The following XYLT2 variants were observed in gnomAD, a reference collection of about 807,000 sequenced individuals.
XYLT2 encodes the protein UDP-D-xylose:proteoglycan core protein beta-D-xylosyltransferase.
In XYLT2, 37 loss-of-function variants were observed where a neutral mutation model predicts 82.6. The ratio of observed to expected loss-of-function variants is 0.45; its 90% CI spans 0.34 to 0.59. XYLT2 has a LOEUF of 0.59. XYLT2 is among the 20% of genes least tolerant of loss of function. The pLI is 0.01. For synonymous variants in XYLT2, 474 were observed against 499.0 expected, an observed-to-expected ratio of 0.95 and a Z score of 0.67; for missense variants, 934 against 1,181.3, an observed-to-expected ratio of 0.79 and a Z score of 3.07.
intron 4 of XYLT2, among the ~76,000 whole-genome samples, 160 bp from the exon 5 acceptor site, chr17:50,355,341 C>T (rs554624307): frequency 6.6e-6 from 1 of 152,220 alleles, no homozygotes; most frequent in African/African-American, 2.4e-5. Context: ...GGGTGGTCTT[C>T]CTCAGGGGCC....
chr17:50,346,586 G>A lies in XYLT2; in HGVS notation c.135+311G>A. The A allele has an allele frequency of 1.0e-6, 1 of 983,098 alleles. No homozygotes were observed. Among genetic ancestry groups the A allele is most frequent in the Non-Finnish European group, 1.2e-6 (1 of 827,818 alleles). 60.9% of individuals were successfully genotyped at this position (983,098 alleles called of 1,614,324 possible). A position where few individuals can be genotyped will look rare whatever the true frequency, so the allele number is the denominator to read the frequency against. On this transcript the variant is annotated intron_variant, in intron 1 of 10. Transcript: ENST00000017003. This position sits in a 1 kb window ranked among gnomAD's most constrained non-coding sequence, Gnocchi z 5.1. ...GCGATGAAGGTCAGGCGCGGCGAGC[G>A]GGGCTGGGAGGCGGGGCTGGGCCCG...
rs1912500335 is a variant in XYLT2, at chr17:50,355,842, C to T, written c.1150C>T (p.Leu384=). ...FHECDSHMWR[L]GERQIPAGIV... ...TGAGTGCGACTCACACATGTGGCGC[C>T]TGGGCGAGCGGCAGATCCCAGCAGG... is the stretch of plus-strand genomic sequence containing the variant. Residue 384 remains leucine, a synonymous_variant, in exon 6 of 11, where the codon CTG becomes TTG. Coordinates refer to ENST00000017003, the MANE Select transcript of XYLT2 (RefSeq NM_022167.4). 1 of 1,614,132 alleles carries T rather than the reference C, an allele frequency of 6.2e-7. No individual in the cohort carries two copies. Among genetic ancestry groups the T allele is most frequent in the South Asian group, 1.1e-5 (1 of 91,094 alleles).
chr17:50,354,420 C>T lies in XYLT2; in HGVS notation c.641C>T (p.Pro214Leu). Residue 214 changes from proline to leucine, a missense_variant, in exon 3 of 11, where the codon CCC becomes CTC. Pro to Leu is a moderately conservative substitution (Grantham distance 98). Coordinates refer to ENST00000017003, the MANE Select transcript of XYLT2 (RefSeq NM_022167.4). ...CCTCTGCTCTCAGGGAAGATGAGCC[C>T]CGGCATCCAGTGGGATGAGAGCCAA... ...RHCQLTGKMS[P>L]GIQWDESQAQ... 1 of 1,608,010 alleles carries T rather than the reference C, an allele frequency of 6.2e-7. No individual in the cohort carries two copies. Among genetic ancestry groups the T allele is most frequent in the South Asian group, 1.1e-5 (1 of 90,838 alleles).
chr17:50,350,785 A>T (rs1361968397), intron 1 of XYLT2, among the ~76,000 whole-genome samples: 1 of 149,078 alleles, frequency 6.7e-6, no homozygotes, highest in African/African-American at 2.6e-5. Context: ...TGGCACTGTA[A>T]ATCCAGTGGT....
In XYLT2 at chr17:50,361,070, A is replaced by G. The variant is rs1229969237; in HGVS notation, c.*779A>G. 1 of 985,816 alleles carries G rather than the reference A, an allele frequency of 1.0e-6. No individual in the cohort carries two copies. The highest frequency in any genetic ancestry group is 1.7e-5 in the African/African-American group (1 of 57,236). The allele number at this position is 985,816 out of a possible 1,614,324, so 61.1% of individuals were successfully genotyped here. A position where few individuals can be genotyped will look rare whatever the true frequency, so the allele number is the denominator to read the frequency against. On this transcript the variant is annotated 3_prime_UTR_variant, in exon 11 of 11. Coordinates refer to ENST00000017003, the MANE Select transcript of XYLT2 (RefSeq NM_022167.4). The stretch of plus-strand genomic sequence containing the variant: ...GGAAGAAGACTCTGTCAAGACTCTC[A>G]GAAGAACCTGGAGTAATTGTGCCTG...
rs1322765316 is a variant in XYLT2, at chr17:50,346,332, G to A, written c.135+57G>A. 4 of 1,005,754 alleles carry A rather than the reference G, an allele frequency of 4.0e-6. No individual in the cohort carries two copies. Among genetic ancestry groups the A allele is most frequent in the Non-Finnish European group, 4.7e-6 (4 of 844,698 alleles). 62.3% of individuals were successfully genotyped at this position (1,005,754 alleles called of 1,614,324 possible). A position where few individuals can be genotyped will look rare whatever the true frequency, so the allele number is the denominator to read the frequency against. ...GGGCGCGGGGGCGCGCGGGGTCCTG[G>A]CGGGGCTGCGGGCGGCCCCAGCCGG... On this transcript the variant is annotated intron_variant, in intron 1 of 10. Transcript: ENST00000017003. This position sits in a 1 kb window ranked among gnomAD's most constrained non-coding sequence, Gnocchi z 5.1.
intron 1 of XYLT2, among the ~76,000 whole-genome samples, chr17:50,352,227 A>G (rs963550393): frequency 1.3e-5 from 2 of 152,168 alleles, no homozygotes; most frequent in African/African-American, 4.8e-5. Flanking sequence ...TACTCCTTAC[A>G]GCTGGGGGAG....
rs1567805520 is a variant in XYLT2 at position 50,353,785 on chromosome 17, G to A, written c.291G>A (p.Arg97=). ...SPGVPVAKVV[R]AVTSRQRASR... is the part of the protein sequence containing the mutation. ...GAGTGCCCGTGGCCAAGGTGGTACG[G>A]GCAGTAACCAGCCGGCAGAGAGCCA... The change falls in exon 2 of 11, where the codon CGG becomes CGA. Residue 97 remains arginine, a synonymous_variant. Transcript: ENST00000017003. The A allele has an allele frequency of 6.4e-7, 1 of 1,563,394 alleles. No individual in the cohort carries two copies. The highest frequency in any genetic ancestry group is 8.7e-7 in the Non-Finnish European group (1 of 1,154,400).
intron 2 of XYLT2, 87 bp downstream of exon 2, chr17:50,354,209 G>C: frequency 6.3e-7 from 1 of 1,576,806 alleles, no homozygotes; most frequent in Non-Finnish European, 8.5e-7. Context: ...CTCTGAGGAA[G>C]AAAGAGCCAA....
chr17:50,356,793 T>C lies in XYLT2; in HGVS notation c.1745+20T>C. 1 of 1,592,918 alleles carries C rather than the reference T, an allele frequency of 6.3e-7. No homozygotes were observed. The highest frequency in any genetic ancestry group is 8.5e-7 in the Non-Finnish European group (1 of 1,174,470). ...CTGCAGGTGAGACCCCCTTCTGACA[T>C]ACAGCAGGCCCTTGGGGTGTGGTGC... On this transcript the variant is annotated intron_variant, in intron 8 of 10. Coordinates refer to ENST00000017003, the MANE Select transcript of XYLT2 (RefSeq NM_022167.4).
Position 50,353,974 on chromosome 17 carries a change from C to T in XYLT2, c.480C>T (p.Pro160=), listed in dbSNP as rs1163531895. 2.4e-5 allele frequency: 39 copies of T among 1,606,454 alleles called. No homozygotes were observed. Among genetic ancestry groups the T allele is most frequent in the Non-Finnish European group, 3.1e-5 (37 of 1,179,910 alleles). The change falls in exon 2 of 11, where the codon CCC becomes CCT. Residue 160 remains proline (P), a synonymous_variant. Transcript: ENST00000017003. ...APQPTDNGFT[P]KCEIVGKDAL... The stretch of plus-strand genomic sequence containing the variant: ...AGCCCACGGACAATGGCTTCACCCC[C>T]AAGTGCGAGATCGTGGGCAAGGACG...
chr17:50,354,299 G>A, intron 2 of XYLT2, 109 bp from the exon 3 acceptor site: 1 of 1,494,704 alleles, frequency 6.7e-7, no homozygotes, highest in Non-Finnish European at 8.9e-7. Context: ...CCACGAGCAT[G>A]GAGCTCCAAG....
chr17:50,357,580 G>C (rs909168525), intron 9 of XYLT2: 1 of 275,598 alleles, frequency 3.6e-6, no homozygotes, highest in African/African-American at 2.2e-5. Flanking sequence ...CTTCTGAGTG[G>C]CTCCTCATAG....
chr17:50,353,128 T>G (rs958332608), intron 1 of XYLT2, among the ~76,000 whole-genome samples: 1 of 152,148 alleles, frequency 6.6e-6, no homozygotes, highest in Non-Finnish European at 1.5e-5. Context: ...TGGGCACTCC[T>G]CCTTCGCTGT....
In XYLT2 at chr17:50,353,783, C is replaced by T. The variant is rs199498175; in HGVS notation, c.289C>T (p.Arg97Trp). 83 of 1,562,246 alleles carry T rather than the reference C, an allele frequency of 5.3e-5. No individual in the cohort carries two copies. The East Asian group carries it at 8.6e-4, about 16-fold the overall frequency. Residue 97 changes from arginine to tryptophan, a missense_variant, in exon 2 of 11, where the codon CGG (arginine) becomes TGG (tryptophan). By Grantham distance (101) the Arg-to-Trp change is moderately radical. Coordinates refer to ENST00000017003, the MANE Select transcript of XYLT2 (RefSeq NM_022167.4). ...AGGAGTGCCCGTGGCCAAGGTGGTACGGGCAGTAACCAGCCGGCAGAGAGC... is the reference window on the plus strand; with the variant it reads ...AGGAGTGCCCGTGGCCAAGGTGGTATGGGCAGTAACCAGCCGGCAGAGAGC... The part of the protein sequence containing the change: ...SPGVPVAKVV[R>W]AVTSRQRASR...
At chr17:50,347,307 G>A (rs567312955) in intron 1 of XYLT2, among the ~76,000 whole-genome samples, 2 of 152,326 alleles carry the variant, frequency 1.3e-5, no homozygotes, top group South Asian at 4.1e-4. Context: ...GGCAAGCCCC[G>A]ATACCCGCGA....
chr17:50,356,662 A>G lies in XYLT2; in HGVS notation c.1634A>G (p.Asp545Gly). The G allele has an allele frequency of 6.2e-7, 1 of 1,613,898 alleles. No homozygotes were observed. Among genetic ancestry groups the G allele is most frequent in the East Asian group, 2.2e-5 (1 of 44,880 alleles). Residue 545 changes from aspartate (D) to glycine (G), a missense_variant, in exon 8 of 11, where the codon GAT becomes GGT. Asp to Gly is a moderately conservative substitution (Grantham distance 94). Coordinates refer to ENST00000017003, the MANE Select transcript of XYLT2 (RefSeq NM_022167.4). ...AYWENTYDAADGPSGLSDVML... is the reference protein window; with the variant it reads ...AYWENTYDAAGGPSGLSDVML... ...TGGGAGAACACCTACGACGCGGCTG[A>G]TGGCCCCAGTGGGCTCAGTGATGTC...
Position 50,354,050 on chromosome 17 carries a change from G to A in XYLT2, c.556G>A (p.Ala186Thr), listed in dbSNP as rs781678464. 5 of 1,608,314 alleles carry A rather than the reference G, an allele frequency of 3.1e-6. No homozygotes were observed. The highest frequency in any genetic ancestry group is 3.3e-5 in the Admixed American group (2 of 60,016). Residue 186 changes from alanine (A) to threonine (T), a missense_variant, in exon 2 of 11, where the codon GCC (alanine) becomes ACC (threonine). Physicochemically the swap from Ala to Thr is moderately conservative, Grantham distance 58. This residue lies in a region of XYLT2 where 371 missense variants were observed against 394.9 expected (regional missense o/e 0.94). Coordinates refer to ENST00000017003, the MANE Select transcript of XYLT2 (RefSeq NM_022167.4). ...ASTKQCQQEI[A>T]NVVCLHQAGS... ...CACCAAGCAGTGCCAGCAGGAGATC[G>A]CCAATGTGGTGTGCCTGCACCAGGC...
chr17:50,348,933 A>T (rs1912146491), intron 1 of XYLT2, among the ~76,000 whole-genome samples: 1 of 152,168 alleles, frequency 6.6e-6, no homozygotes, highest in Admixed American at 6.5e-5. Context: ...GGCTGTGATG[A>T]CGATGCTCCT....
Sources: gnomAD v4.1 joint callset for allele counts (sites outside exome capture counted in the v4.1 genomes callset) on GRCh38, gnomAD v4.1.1 for gene constraint, gnomAD v4.1.1 regional missense constraint, Gnocchi (gnomAD v3.1) non-coding constraint, MANE v1.5 for transcripts, NCBI Gene and HGNC (gene_info 2026-07-23, HGNC 2026-07-21) for gene names.